The following ZSWIM7 variants were observed in gnomAD, a reference collection of about 807,000 sequenced individuals.
The protein encoded by ZSWIM7 is zinc finger SWIM-type containing 7, also known as zinc finger SWIM domain-containing protein 7.
ZSWIM7 carries 22 observed loss-of-function variants against 21.1 expected under a neutral mutation model. The ratio of observed to expected loss-of-function variants is 1.04; its 90% CI spans 0.74 to 1.49. The LOEUF is 1.49. Among genes scored for constraint, ZSWIM7 ranks in the 40% most tolerant of loss-of-function variants. ZSWIM7 has a pLI of 0.00. For missense variants in ZSWIM7, 193 were observed against 168.0 expected, an observed-to-expected ratio of 1.15 and a Z score of -0.82; for synonymous variants, 67 against 66.5, an observed-to-expected ratio of 1.01 and a Z score of -0.04.
Position 15,981,480 on chromosome 17 carries a change from A to AG in ZSWIM7, c.202-337_202-336insC, listed in dbSNP as rs201629301. On this transcript the variant is annotated intron_variant, in intron 3 of 4. Coordinates refer to ENST00000399277, the MANE Select transcript of ZSWIM7 (RefSeq NM_001042697.2). Reference sequence around the variant, plus strand: ...AATAAGAAGGAAGTGGGGGGGGGGAATCTCTCATCTACATTTTATTGTGGG... The same window carrying AG: ...AATAAGAAGGAAGTGGGGGGGGGGAAGTCTCTCATCTACATTTTATTGTGGG... Among the ~76,000 whole-genome samples the AG allele has an allele frequency of 6.2e-4, 94 of 150,780 alleles. 1 individual carries two copies. Among genetic ancestry groups the AG allele is most frequent in the Middle Eastern group, 3.4e-3 (1 of 294 alleles).
intron 1 of ZSWIM7, among the ~76,000 whole-genome samples, chr17:15,995,047 A>G (rs535751814): frequency 2.0e-5 from 3 of 152,348 alleles, no homozygotes; most frequent in African/African-American, 7.2e-5. Context: ...ATCTATTACT[A>G]ATATTTTATC....
intron 2 of ZSWIM7, among the ~76,000 whole-genome samples, chr17:15,993,329 A>G (rs537199436): frequency 2.0e-5 from 3 of 148,400 alleles, no homozygotes; most frequent in African/African-American, 7.6e-5. Flanking sequence ...CCTGGTAGTA[A>G]GAATATTTTT....
At chr17:15,998,991 G>A (rs1356945309) in intron 1 of ZSWIM7, among the ~76,000 whole-genome samples, 5 of 152,036 alleles carry the variant, frequency 3.3e-5, no homozygotes, top group Non-Finnish European at 4.4e-5. Context: ...CCTGACCTTA[G>A]GTAATCCAAC....
intron 3 of ZSWIM7, among the ~76,000 whole-genome samples, chr17:15,983,596 C>CT (rs1454967691): frequency 2.0e-5 from 3 of 151,650 alleles, no homozygotes; most frequent in Non-Finnish European, 2.9e-5. Context: ...ATGTATAATT[C>CT]TTTTTTTTGA....
At chr17:15,992,216 C>T (rs947498969) in intron 2 of ZSWIM7, among the ~76,000 whole-genome samples, 1 of 151,832 alleles carries the variant, frequency 6.6e-6, no homozygotes, top group Non-Finnish European at 1.5e-5. Context: ...CGTGAGCCAC[C>T]GCACCTGGCC....
chr17:15,989,192 C>CT (rs1194294143), intron 2 of ZSWIM7, among the ~76,000 whole-genome samples: 2 of 152,022 alleles, frequency 1.3e-5, no homozygotes, highest in African/African-American at 2.4e-5. Context: ...CAGGAAAAAA[C>CT]TTTGATATGT....
At chr17:15,996,527 G>A (rs1246080489) in intron 1 of ZSWIM7, among the ~76,000 whole-genome samples, 1 of 151,956 alleles carries the variant, frequency 6.6e-6, no homozygotes, top group African/African-American at 2.4e-5. Context: ...TTGCGCAACT[G>A]TACTCTAGCC....
chr17:15,978,186 C>G, intron 4 of ZSWIM7, 23 bp from the exon 5 acceptor site: 1 of 1,578,942 alleles, frequency 6.3e-7, no homozygotes, highest in East Asian at 2.2e-5. Context: ...ACACACACAC[C>G]TATTAGAAAC....
At chr17:15,994,809 C>T (rs1336667880) in intron 1 of ZSWIM7, among the ~76,000 whole-genome samples, 2 of 152,056 alleles carry the variant, frequency 1.3e-5, no homozygotes, top group Non-Finnish European at 2.9e-5. Context: ...GTGGGAATGA[C>T]ACTGAAATGG....
chr17:15,991,908 TTTTTTG>T (rs1302419784), intron 2 of ZSWIM7, among the ~76,000 whole-genome samples: 2 of 98,540 alleles, frequency 2.0e-5, no homozygotes, highest in African/African-American at 1.0e-4. Flanking sequence ...GGTTTTGTTT[TTTTTTG>T]TTTGTTTTGT....
At chr17:15,986,600 A>G (rs907990195) in intron 3 of ZSWIM7, among the ~76,000 whole-genome samples, 37 of 152,128 alleles carry the variant, frequency 2.4e-4, no homozygotes, top group African/African-American at 8.4e-4. Flanking sequence ...GTCTTTATTT[A>G]AAACAAAAAA....
intron 2 of ZSWIM7, among the ~76,000 whole-genome samples, chr17:15,987,783 T>C (rs1970433518): frequency 1.3e-5 from 2 of 152,060 alleles, no homozygotes; most frequent in African/African-American, 4.8e-5. Context: ...GCTAATTTTG[T>C]ATTTTTAGTA....
rs144583792 is a variant in ZSWIM7, at chr17:15,981,700, C to A, written c.202-556G>T. ...GAGGTGGGAGGATCACTTGACCCCCCCCAGAGTTCAAGACCAGCATGGGCA... is the reference window on the plus strand; with the variant it reads ...GAGGTGGGAGGATCACTTGACCCCCACCAGAGTTCAAGACCAGCATGGGCA... On this transcript the variant is annotated intron_variant, in intron 3 of 4. Coordinates refer to ENST00000399277, the MANE Select transcript of ZSWIM7 (RefSeq NM_001042697.2). Among the ~76,000 whole-genome samples the A allele has an allele frequency of 3.0e-3, 461 of 152,140 alleles. 2 individuals are homozygous for A. Among genetic ancestry groups the A allele is most frequent in the African/African-American group, 0.011 (439 of 41,498 alleles).
intron 4 of ZSWIM7, 24 bp from the exon 5 acceptor site, chr17:15,978,187 T>A (rs1171654540): frequency 3.2e-6 from 5 of 1,575,936 alleles, no homozygotes; most frequent in Non-Finnish European, 4.4e-6. Flanking sequence ...CACACACACC[T>A]ATTAGAAACA....
chr17:15,980,421 A>G (rs1243447751), intron 4 of ZSWIM7: 1 of 152,288 alleles, frequency 6.6e-6, no homozygotes, highest in Non-Finnish European at 1.5e-5. Context: ...GATGTTTAAG[A>G]AGTTAACAGT....
intron 1 of ZSWIM7, among the ~76,000 whole-genome samples, chr17:15,998,675 GA>G (rs928744287): frequency 6.7e-6 from 1 of 150,154 alleles, no homozygotes; most frequent in Admixed American, 6.6e-5. Context: ...CTGCTGGTCA[GA>G]AAAAAAATGG....
rs545978188 is a variant in ZSWIM7 at position 15,987,523 on chromosome 17, C to T, written c.99-155G>A. The stretch of plus-strand genomic sequence containing the variant: ...AGCAAAACCCATGGACCCATTCACT[C>T]CCCAGAATTAATGTTAATATCTTGT... On this transcript the variant is annotated intron_variant, in intron 2 of 4. Transcript: ENST00000399277. Among the ~76,000 whole-genome samples, 5 of 152,174 alleles carry T rather than the reference C, an allele frequency of 3.3e-5. No individual in the cohort carries two copies. The South Asian group carries it at 6.2e-4, about 19-fold the overall frequency.
rs150684260 is a variant in ZSWIM7, at chr17:15,995,551, T to C, written c.77-1773A>G. Among the ~76,000 whole-genome samples, 672 of 141,228 alleles carry C rather than the reference T, an allele frequency of 4.8e-3. 8 individuals are homozygous for C. The highest frequency in any genetic ancestry group is 0.017 in the African/African-American group (628 of 37,388). The allele number at this position is 141,228 out of a possible 152,430, so 92.7% of individuals were successfully genotyped here. A position where few individuals can be genotyped will look rare whatever the true frequency, so the allele number is the denominator to read the frequency against. On this transcript the variant is annotated intron_variant, in intron 1 of 4. Coordinates refer to ENST00000399277, the MANE Select transcript of ZSWIM7 (RefSeq NM_001042697.2). ...TGCTGGGATTACAGGCATGAGCCAC[T>C]GTGGCCGGCAAGACCCTGTCTCTTA...
chr17:15,993,579 G>A (rs745684022), intron 2 of ZSWIM7, among the ~76,000 whole-genome samples, 178 bp downstream of exon 2: 1 of 151,554 alleles, frequency 6.6e-6, no homozygotes, highest in African/African-American at 2.4e-5. Context: ...TGTTGGCCAG[G>A]ATGGTCTTGA....
Sources: gnomAD v4.1 joint callset for allele counts (sites outside exome capture counted in the v4.1 genomes callset) on GRCh38, gnomAD v4.1.1 for gene constraint, MANE v1.5 for transcripts, NCBI Gene and HGNC (gene_info 2026-07-23, HGNC 2026-07-21) for gene names.